Variants in NOL8 observed in about 807,000 individuals in gnomAD.
The protein encoded by NOL8 is nucleolar protein Nop132.
NOL8 carries 93 observed loss-of-function variants against 116.1 expected under a neutral mutation model. That is an observed-to-expected ratio of 0.80 (90% CI 0.68 to 0.95). The LOEUF is 0.95. Among genes scored for constraint, NOL8 ranks in the 40% least tolerant of loss-of-function variants. NOL8 has a pLI of 0.00. For missense variants in NOL8, 1,291 were observed against 1,382.8 expected (o/e 0.93, Z 1.05); for synonymous variants, 419 against 469.0 (o/e 0.89, Z 1.38).
At chr9:92,317,269 T>G (rs757424484) in intron 6 of NOL8, among the ~76,000 whole-genome samples, 1 of 152,254 alleles carries the variant, frequency 6.6e-6, no homozygotes, top group Non-Finnish European at 1.5e-5. Flanking sequence ...CTTAAGCGAT[T>G]ACTCTTGAAA....
rs577992162 is a variant in NOL8 at position 92,318,121 on chromosome 9, G to C, written c.486+497C>G. ...GAATTCCATGATACCAGGTCTTCAA[G>C]GTCTTAGACAATGTGACCTCACTGA... On this transcript the variant is annotated intron_variant, in intron 6 of 16. Coordinates refer to ENST00000442668, the MANE Select transcript of NOL8 (RefSeq NM_017948.6). 8.0e-5 allele frequency among the ~76,000 whole-genome samples: 12 copies of C among 150,252 alleles called. No individual in the cohort carries two copies. The South Asian group carries it at 2.3e-3, about 29-fold the overall frequency.
chr9:92,312,545 G>A (rs1838911206), intron 7 of NOL8, among the ~76,000 whole-genome samples: 1 of 151,298 alleles, frequency 6.6e-6, no homozygotes, highest in African/African-American at 2.4e-5. Context: ...CCACCTATTG[G>A]GCCGGGCACA....
Position 92,298,867 on chromosome 9 carries a change from G to GAA in NOL8, c.3373+15_3373+16dup. 6.9e-7 allele frequency: 1 copy of GAA among 1,458,482 alleles called. No homozygotes were observed. Among genetic ancestry groups the GAA allele is most frequent in the South Asian group, 1.3e-5 (1 of 76,078 alleles). 90.3% of individuals were successfully genotyped at this position (1,458,482 alleles called of 1,614,324 possible). ...ACCTGTTCTATGTATGTAATTTGAT[G>GAA]AAAAAAATGGACTGACCTTGAAGTC... On this transcript the variant is annotated intron_variant, in intron 15 of 16. Coordinates refer to ENST00000442668, the MANE Select transcript of NOL8 (RefSeq NM_017948.6).
chr9:92,323,497 G>A lies in NOL8; in HGVS notation c.146C>T (p.Pro49Leu), dbSNP rs1376988708. ...IITRKDDQGNPQKVFAYINIS... is the reference protein window; with the variant it reads ...IITRKDDQGNLQKVFAYINIS... Reference sequence around the variant, plus strand: ...GTTGATATATGCAAAAACTTTCTGTGGGTTTCCTAAAAAACAAACAAACAA... The same window carrying A: ...GTTGATATATGCAAAAACTTTCTGTAGGTTTCCTAAAAAACAAACAAACAA... The change falls in exon 3 of 17, where the codon CCA becomes CTA. Residue 49 changes from proline to leucine, a missense_variant. Transcript: ENST00000442668. 1 of 1,600,122 alleles carries A rather than the reference G, an allele frequency of 6.2e-7. No individual in the cohort carries two copies.
intron 10 of NOL8, among the ~76,000 whole-genome samples, chr9:92,308,440 G>A (rs1464496383): frequency 2.6e-5 from 4 of 152,150 alleles, no homozygotes; most frequent in Non-Finnish European, 5.9e-5. Flanking sequence ...CGCCATCAAC[G>A]CAGAAAGGTT....
intron 12 of NOL8, among the ~76,000 whole-genome samples, chr9:92,304,155 A>G (rs978716509): frequency 1.2e-4 from 19 of 152,226 alleles, no homozygotes; most frequent in African/African-American, 4.6e-4. Flanking sequence ...GCCAGCACTT[A>G]TGAAAAGAGA....
At chr9:92,301,007 G>A (rs1480253331) in intron 13 of NOL8, among the ~76,000 whole-genome samples, 1 of 152,138 alleles carries the variant, frequency 6.6e-6, no homozygotes. Flanking sequence ...TTAACCTGTG[G>A]CCCATGTTGG....
intron 4 of NOL8, 151 bp downstream of exon 4, chr9:92,321,517 G>C (rs1466588733): frequency 5.2e-6 from 3 of 576,454 alleles, no homozygotes; most frequent in East Asian, 6.4e-5. Context: ...GGGGTGAAGG[G>C]GATTCAGAGT....
chr9:92,301,700 T>C lies in NOL8; in HGVS notation c.3026A>G (p.Glu1009Gly). Residue 1009 changes from glutamate to glycine, a missense_variant, in exon 13 of 17, where the codon GAA (glutamate) becomes GGA (glycine). Coordinates refer to ENST00000442668, the MANE Select transcript of NOL8 (RefSeq NM_017948.6). Reference protein sequence around the residue: ...EIFQTTKYTSEKEEGTPWNED... With the variant: ...EIFQTTKYTSGKEEGTPWNED... Reference sequence around the variant, plus strand: ...ATTCCAGGGTGTGCCCTCTTCCTTTTCACTGGTATATTTTGTAGTTTGGAA... The same window carrying C: ...ATTCCAGGGTGTGCCCTCTTCCTTTCCACTGGTATATTTTGTAGTTTGGAA... The C allele has an allele frequency of 6.2e-7, 1 of 1,608,024 alleles. No homozygotes were observed. Among genetic ancestry groups the C allele is most frequent in the Non-Finnish European group, 8.5e-7 (1 of 1,178,324 alleles).
At position 92,318,861 on chromosome 9, in the gene NOL8, A is replaced by G. The variant is rs1839665975; in HGVS notation, c.418-175T>C. ...GAAAAATTGTGAGAGGAAAGAAAAA[A>G]AAAGGAAGATTTGGAGCAGCTATCA... On this transcript the variant is annotated intron_variant, in intron 5 of 16. Transcript: ENST00000442668. 3 of 563,092 alleles carry G rather than the reference A, an allele frequency of 5.3e-6. No individual in the cohort carries two copies. In the East Asian group the frequency reaches 9.3e-5, roughly 17 times the overall value. The allele number at this position is 563,092 out of a possible 1,614,324, so 34.9% of individuals were successfully genotyped here.
At chr9:92,304,396 G>A (rs552557485) in intron 12 of NOL8, among the ~76,000 whole-genome samples, 1 of 152,222 alleles carries the variant, frequency 6.6e-6, no homozygotes, top group African/African-American at 2.4e-5. Context: ...TAGTTCATAG[G>A]TCTTATCAAA....
chr9:92,306,934 T>G lies in NOL8; in HGVS notation c.2777A>C (p.Asn926Thr). Residue 926 changes from asparagine to threonine, a missense_variant, in exon 11 of 17, where the codon AAC becomes ACC. By Grantham distance (65) the Asn-to-Thr change is moderately conservative. Transcript: ENST00000442668. ...LNVVQSVLQI[N>T]LSNSTNRGSV... ...TCCTCTGTTTGTAGAATTGCTTAAG[T>G]TGATTTGCAAAACACTTTGTACAAC... is the stretch of plus-strand genomic sequence containing the variant. 1 of 1,613,544 alleles carries G rather than the reference T, an allele frequency of 6.2e-7. No individual in the cohort carries two copies. Among genetic ancestry groups the G allele is most frequent in the Non-Finnish European group, 8.5e-7 (1 of 1,179,626 alleles).
Position 92,307,022 on chromosome 9 carries a change from CCT to C in NOL8, c.2687_2688del (p.Glu896GlyfsTer3), listed in dbSNP as rs1564212517. 6.2e-7 allele frequency: 1 copy of C among 1,607,634 alleles called. No individual in the cohort carries two copies. The highest frequency in any genetic ancestry group is 8.5e-7 in the Non-Finnish European group (1 of 1,178,502). On this transcript the variant is annotated frameshift_variant and splice_region_variant, in exon 11 of 17. Transcript: ENST00000442668. LOFTEE classifies it high-confidence loss of function. ...LETDSEEEQE[E>X]VNEKKTAEEE... ...TCCTCAGCAGTTTTCTTTTCATTTA[CCT>C]CTTTGAGGAAAAGGGATAATTAATA...
rs144837003 is a variant in NOL8 at position 92,315,271 on chromosome 9, G to T, written c.1354C>A (p.His452Asn). The change falls in exon 7 of 17, where the codon CAC becomes AAC. Residue 452 changes from histidine (H) to asparagine (N), a missense_variant. Physicochemically the swap from His to Asn is moderately conservative, Grantham distance 68. Coordinates refer to ENST00000442668, the MANE Select transcript of NOL8 (RefSeq NM_017948.6). ...TCAGCATCTTCACTGCTACTGGAGT[G>T]AGAGGGAGATTTACGATTAAGAGAC... ...LKSLNRKSPS[H>N]SSSSEDADSA... is the part of the protein sequence containing the mutation. 14 of 1,613,990 alleles carry T rather than the reference G, an allele frequency of 8.7e-6. No homozygotes were observed. In the African/African-American group the frequency reaches 1.2e-4, roughly 14 times the overall value.
intron 2 of NOL8, 136 bp from the exon 3 acceptor site, chr9:92,323,639 T>C (rs1198297165): frequency 1.4e-6 from 1 of 692,990 alleles, no homozygotes; most frequent in Non-Finnish European, 2.3e-6. Context: ...AAACCTTGTT[T>C]TTTATTGGCT....
chr9:92,298,139 A>G, intron 16 of NOL8, 118 bp downstream of exon 16: 1 of 767,662 alleles, frequency 1.3e-6, no homozygotes, highest in Non-Finnish European at 2.1e-6. Flanking sequence ...CCAGTCACTC[A>G]ATTGAGCCAG....
intron 10 of NOL8, among the ~76,000 whole-genome samples, chr9:92,309,551 G>A (rs1019321301): frequency 6.6e-6 from 1 of 152,116 alleles, no homozygotes; most frequent in Non-Finnish European, 1.5e-5. Context: ...GGGAATTAGG[G>A]AGCTCATTCA....
intron 4 of NOL8, among the ~76,000 whole-genome samples, chr9:92,321,277 C>T (rs1276057537): frequency 2.6e-5 from 4 of 152,158 alleles, no homozygotes; most frequent in Non-Finnish European, 4.4e-5. Context: ...TAGAAACAGT[C>T]ATCAGTGGGA....
At chr9:92,311,292 A>G (rs755251583) in intron 7 of NOL8, 33 bp from the exon 8 acceptor site, 6 of 1,531,582 alleles carry the variant, frequency 3.9e-6, no homozygotes, top group East Asian at 4.5e-5. Flanking sequence ...TGCATCTTAA[A>G]AAGATTTATG....
Sources: gnomAD v4.1 joint callset for allele counts (sites outside exome capture counted in the v4.1 genomes callset) on GRCh38, gnomAD v4.1.1 for gene constraint, MANE v1.5 for transcripts, NCBI Gene and HGNC (gene_info 2026-07-23, HGNC 2026-07-21) for gene names.